The following STOM variants were observed in gnomAD, a reference collection of about 807,000 sequenced individuals.
STOM encodes the protein stomatin, also known as erythrocyte band 7 integral membrane protein.
A neutral mutation model predicts 30.6 loss-of-function variants in STOM; 25 were observed. The observed-to-expected ratio is 0.82, with a 90% CI of 0.60 to 1.14. The LOEUF (loss-of-function observed/expected upper bound fraction) is 1.14, where lower values mean the gene tolerates loss of function less well. STOM is among the 50% of genes most tolerant of loss of function. STOM has a pLI of 0.00. For missense variants in STOM, 292 were observed against 365.2 expected (o/e 0.80, Z 1.63); for synonymous variants, 118 against 130.8 (o/e 0.90, Z 0.67).
chr9:121,355,264 A>AATC (rs1371686953), intron 2 of STOM, among the ~76,000 whole-genome samples: 1 of 146,364 alleles, frequency 6.8e-6, no homozygotes, highest in Non-Finnish European at 1.5e-5. Flanking sequence ...TAATAATAAT[A>AATC]ATAATCCCAG....
chr9:121,357,560 C>A (rs1031133603), intron 1 of STOM, among the ~76,000 whole-genome samples: 1 of 151,548 alleles, frequency 6.6e-6, no homozygotes, highest in African/African-American at 2.4e-5. Context: ...CCGTCTCAAT[C>A]TCCTGAGTAG....
chr9:121,346,098 C>T (rs903587358), intron 6 of STOM, among the ~76,000 whole-genome samples: 7 of 152,136 alleles, frequency 4.6e-5, no homozygotes, highest in African/African-American at 1.7e-4. Flanking sequence ...TCAAGCAATT[C>T]TCCTTCTCAG....
At position 121,349,255 on chromosome 9, in the gene STOM, G is replaced by A. The variant is rs1362574680; in HGVS notation, c.390C>T (p.Thr130=). Residue 130 remains threonine (T), a synonymous_variant, in exon 5 of 7, where the codon ACC becomes ACT. Coordinates refer to ENST00000286713, the MANE Select transcript of STOM (RefSeq NM_004099.6). ...CGTTGGTGATATTTGCCACAGCCAG[G>A]GTTGCATTCTGAACGCGGTAATAGA... ...GVVYYRVQNA[T]LAVANITNAD... is the part of the protein sequence containing the mutation. 1 of 1,614,066 alleles carries A rather than the reference G, an allele frequency of 6.2e-7. No homozygotes were observed. Among genetic ancestry groups the A allele is most frequent in the East Asian group, 2.2e-5 (1 of 44,874 alleles).
intron 4 of STOM, among the ~76,000 whole-genome samples, chr9:121,350,918 A>G (rs759991320): frequency 6.6e-6 from 1 of 152,248 alleles, no homozygotes; most frequent in African/African-American, 2.4e-5. Flanking sequence ...GTGTATTACC[A>G]TCTTGTATGA....
intron 1 of STOM, among the ~76,000 whole-genome samples, chr9:121,360,232 T>A (rs1278955950): frequency 6.6e-6 from 1 of 152,264 alleles, no homozygotes; most frequent in Non-Finnish European, 1.5e-5. Flanking sequence ...CCTTTGAATC[T>A]CGATAGCATT....
chr9:121,341,228 C>G lies in STOM; in HGVS notation c.841G>C (p.Gly281Arg). 6.2e-7 allele frequency: 1 copy of G among 1,614,148 alleles called. No homozygotes were observed. Among genetic ancestry groups the G allele is most frequent in the Non-Finnish European group, 8.5e-7 (1 of 1,180,046 alleles). Residue 281 changes from glycine to arginine, a missense_variant, in exon 7 of 7, where the codon GGG (glycine) becomes CGG (arginine). By Grantham distance (125) the Gly-to-Arg change is moderately radical. Transcript: ENST00000286713. ...TAGCCTAGATGGCTGTGTTTTGCCC[C>G]TATGATTCCTTGCAGCATATCTATG... ...LPIDMLQGIIGAKHSHLG is the reference protein window; with the variant it reads ...LPIDMLQGIIRAKHSHLG
At chr9:121,354,517 C>G in intron 3 of STOM, 84 bp downstream of exon 3, 1 of 1,153,390 alleles carries the variant, frequency 8.7e-7, no homozygotes, top group Non-Finnish European at 1.2e-6. Flanking sequence ...GAAACCCTGT[C>G]TTTAAAAAAA....
At chr9:121,355,248 A>ATAAT (rs932764964) in intron 2 of STOM, among the ~76,000 whole-genome samples, 10 of 131,208 alleles carry the variant, frequency 7.6e-5, no homozygotes, top group African/African-American at 2.6e-4. Flanking sequence ...AAAAAAAAAA[A>ATAAT]AATAATAATA....
chr9:121,358,890 A>T (rs1286440475), intron 1 of STOM, among the ~76,000 whole-genome samples: 2 of 151,790 alleles, frequency 1.3e-5, no homozygotes, highest in Non-Finnish European at 2.9e-5. Context: ...CCTTGTGTGG[A>T]CTTCCTTCAT....
In STOM at chr9:121,342,140, C is replaced by T. The variant is rs142228159; in HGVS notation, c.661-732G>A. ...ATCCCAAAACTTTGGGAGGCCAAGG[C>T]GGGCAGATCACTTGAGGTCAGGAGT... On this transcript the variant is annotated intron_variant, in intron 6 of 6. Coordinates refer to ENST00000286713, the MANE Select transcript of STOM (RefSeq NM_004099.6). Among the ~76,000 whole-genome samples the T allele has an allele frequency of 4.1e-3, 631 of 152,168 alleles. 4 individuals carry two copies. Among genetic ancestry groups the T allele is most frequent in the African/African-American group, 0.014 (601 of 41,512 alleles).
In STOM at chr9:121,341,355, G is replaced by A; in HGVS notation, c.714C>T (p.Ser238=). 1 of 1,614,014 alleles carries A rather than the reference G, an allele frequency of 6.2e-7. No homozygotes were observed. Among genetic ancestry groups the A allele is most frequent in the Non-Finnish European group, 8.5e-7 (1 of 1,180,024 alleles). ...MNASRALKEA[S]MVITESPAAL... ...CTGCAGGAGATTCAGTGATGACCATGGAGGCTTCTTTCAGAGCCCTGGATG... is the reference window on the plus strand; with the variant it reads ...CTGCAGGAGATTCAGTGATGACCATAGAGGCTTCTTTCAGAGCCCTGGATG... The change falls in exon 7 of 7, where the codon TCC becomes TCT. Residue 238 remains serine, a synonymous_variant. Transcript: ENST00000286713.
In STOM at chr9:121,357,437, A is replaced by ATATATATATATATATATATT. The variant is rs1318433915; in HGVS notation, c.62-1282_62-1281insAATATATATATATATATATA. Among the ~76,000 whole-genome samples, 81 of 91,030 alleles carry ATATATATATATATATATATT rather than the reference A, an allele frequency of 8.9e-4. 1 individual carries two copies. Among genetic ancestry groups the ATATATATATATATATATATT allele is most frequent in the African/African-American group, 2.5e-3 (55 of 21,844 alleles). The allele number at this position is 91,030 out of a possible 152,430, so 59.7% of individuals were successfully genotyped here. Reference sequence around the variant, plus strand: ...ATATTTTTAAATGATATATATATATATATTTATTTATTTATTTTTTGAGAC... The same window carrying ATATATATATATATATATATT: ...ATATTTTTAAATGATATATATATATATATATATATATATATATATTTATTTATTTATTTATTTTTTGAGAC... On this transcript the variant is annotated intron_variant, in intron 1 of 6. Coordinates refer to ENST00000286713, the MANE Select transcript of STOM (RefSeq NM_004099.6).
intron 6 of STOM, 41 bp from the exon 7 acceptor site, chr9:121,341,449 T>C: frequency 6.2e-7 from 1 of 1,611,058 alleles, no homozygotes; most frequent in Non-Finnish European, 8.5e-7. Flanking sequence ...GGAGAAAACC[T>C]CATGGGGACA....
At chr9:121,363,938 G>T (rs562634409) in intron 1 of STOM, among the ~76,000 whole-genome samples, 7 of 152,290 alleles carry the variant, frequency 4.6e-5, no homozygotes, top group African/African-American at 1.7e-4. Context: ...AAGCAAAAGG[G>T]CAGGTAGAGT....
In STOM at chr9:121,360,456, T is replaced by G. The variant is rs555083556; in HGVS notation, c.62-4300A>C. ...TCACTTCTGATACTTCTTAGTTGCA[T>G]GATCTTTACCTCTTTGAACCTTAGT... On this transcript the variant is annotated intron_variant, in intron 1 of 6. Coordinates refer to ENST00000286713, the MANE Select transcript of STOM (RefSeq NM_004099.6). Among the ~76,000 whole-genome samples the G allele has an allele frequency of 3.4e-4, 52 of 152,320 alleles. No individual in the cohort carries two copies. The South Asian group carries it at 0.011, about 32-fold the overall frequency.
At chr9:121,341,513 C>G in intron 6 of STOM, 105 bp from the exon 7 acceptor site, 1 of 1,442,428 alleles carries the variant, frequency 6.9e-7, no homozygotes, top group Non-Finnish European at 9.5e-7. Flanking sequence ...ACAAAACTTT[C>G]TAGGGCGTAT....
chr9:121,355,231 CAA>C (rs762080105), intron 2 of STOM, among the ~76,000 whole-genome samples: 10 of 83,442 alleles, frequency 1.2e-4, no homozygotes, highest in African/African-American at 4.0e-4. Flanking sequence ...GACTCCGTCT[CAA>C]AAAAAAAAAA....
chr9:121,356,985 GAA>G (rs2064397718), intron 1 of STOM, among the ~76,000 whole-genome samples: 1 of 150,366 alleles, frequency 6.7e-6, no homozygotes, highest in African/African-American at 2.5e-5. Flanking sequence ...TCTGTCAAAA[GAA>G]AAGAAAAGAA....
intron 4 of STOM, 144 bp downstream of exon 4, chr9:121,353,076 G>C (rs1478002999): frequency 8.0e-6 from 3 of 376,836 alleles, no homozygotes; most frequent in Non-Finnish European, 9.2e-6. Flanking sequence ...CTGGGTGACA[G>C]AGCAAGATTC....
Sources: allele counts gnomAD v4.1 joint callset (sites outside exome capture counted in the v4.1 genomes callset), GRCh38; gene constraint gnomAD v4.1.1; transcripts MANE v1.5; gene names NCBI Gene and HGNC (gene_info 2026-07-23, HGNC 2026-07-21).